MACROD2: variants seen among roughly 807,000 people sequenced by gnomAD.
MACROD2 encodes mono-ADP ribosylhydrolase 2.
MACROD2 carries 36 observed loss-of-function variants against 70.4 expected under a neutral mutation model. The observed-to-expected ratio is 0.51, with a 90% CI of 0.39 to 0.68. The LOEUF (loss-of-function observed/expected upper bound fraction) is 0.68, where lower values mean the gene tolerates loss of function less well. Among genes scored for constraint, MACROD2 ranks in the 30% least tolerant of loss-of-function variants. The pLI, the probability that MACROD2 is intolerant of heterozygous loss-of-function variation, is 0.00. For synonymous variants in MACROD2, 172 were observed against 178.8 expected, an observed-to-expected ratio of 0.96 and a Z score of 0.30; for missense variants, 496 against 538.4, an observed-to-expected ratio of 0.92 and a Z score of 0.78.
chr20:14,823,735 G>A (rs938821996), intron 5 of MACROD2, among the ~76,000 whole-genome samples: 1 of 152,050 alleles, frequency 6.6e-6, no homozygotes, highest in African/African-American at 2.4e-5. Flanking sequence ...CTGTAGTTGG[G>A]TGTAATACCA....
intron 17 of MACROD2, among the ~76,000 whole-genome samples, chr20:16,048,555 A>G (rs907260852): frequency 5.3e-5 from 8 of 152,094 alleles, no homozygotes; most frequent in African/African-American, 1.9e-4. Flanking sequence ...TCCAGGTTTA[A>G]CTTAATTTGG....
intron 6 of MACROD2, among the ~76,000 whole-genome samples, chr20:15,353,513 T>G (rs2078251467): frequency 6.6e-6 from 1 of 152,034 alleles, no homozygotes; most frequent in Non-Finnish European, 1.5e-5. Context: ...GGGATCTAAT[T>G]AAACTAAAGA....
At chr20:15,629,888 G>A (rs2049262812) in intron 8 of MACROD2, among the ~76,000 whole-genome samples, 1 of 152,204 alleles carries the variant, frequency 6.6e-6, no homozygotes, top group Non-Finnish European at 1.5e-5. Context: ...TGTCTACACA[G>A]GACTCAGAGG....
intron 6 of MACROD2, among the ~76,000 whole-genome samples, chr20:15,278,027 A>G (rs2077408653): frequency 6.6e-6 from 1 of 152,216 alleles, no homozygotes; most frequent in African/African-American, 2.4e-5. Flanking sequence ...AATTCTGGGA[A>G]TGGTAACAAA....
chr20:14,417,674 T>A (rs751487381), intron 3 of MACROD2, among the ~76,000 whole-genome samples: 1 of 152,202 alleles, frequency 6.6e-6, no homozygotes, highest in African/African-American at 2.4e-5. Flanking sequence ...GACCTTGAAG[T>A]CTGAACTTTG....
At chr20:14,933,951 A>C (rs1285333395) in intron 5 of MACROD2, 1 of 152,162 alleles carries the variant, frequency 6.6e-6, no homozygotes, top group Non-Finnish European at 1.5e-5. Context: ...ACCTATGAGA[A>C]AGGTATTATT....
intron 5 of MACROD2, among the ~76,000 whole-genome samples, chr20:15,226,011 C>T (rs116806307): frequency 0.012 from 1,866 of 152,224 alleles, 41 homozygotes; most frequent in African/African-American, 0.043. Flanking sequence ...GTTTGGGAAA[C>T]GTGAACCATG....
At chr20:14,394,842 T>C (rs1399928351) in intron 3 of MACROD2, among the ~76,000 whole-genome samples, 1 of 152,240 alleles carries the variant, frequency 6.6e-6, no homozygotes, top group African/African-American at 2.4e-5. Context: ...ATGCATCTAT[T>C]GATATGATTA....
rs538144945 is a variant in MACROD2 at position 14,183,763 on chromosome 20, T to G, written c.271+98035T>G. ...TGTGGTATAGTATCTCATTGTGGTT[T>G]TGATTTGCATTTCTCTAGTGATCAG... On this transcript the variant is annotated intron_variant, in intron 3 of 17. Coordinates refer to ENST00000684519, the MANE Select transcript of MACROD2 (RefSeq NM_001351661.2). 2.6e-5 allele frequency among the ~76,000 whole-genome samples: 4 copies of G among 152,350 alleles called. 1 individual carries two copies. The South Asian group carries it at 8.3e-4, about 32-fold the overall frequency.
intron 4 of MACROD2, among the ~76,000 whole-genome samples, chr20:14,621,550 C>G (rs1293111205): frequency 6.6e-6 from 1 of 152,064 alleles, no homozygotes; most frequent in Non-Finnish European, 1.5e-5. Context: ...TTTGAAACTT[C>G]AGGAATTTTC....
At chr20:15,406,795 T>C (rs141978073) in intron 6 of MACROD2, among the ~76,000 whole-genome samples, 1 of 152,272 alleles carries the variant, frequency 6.6e-6, no homozygotes, top group East Asian at 1.9e-4. Flanking sequence ...CAGGGAGGTG[T>C]CATTAGCTCA....
intron 6 of MACROD2, among the ~76,000 whole-genome samples, chr20:15,297,590 C>T (rs1023583341): frequency 6.6e-6 from 1 of 152,142 alleles, no homozygotes; most frequent in Non-Finnish European, 1.5e-5. Context: ...ATTCCATTCT[C>T]TCTATTCATT....
At chr20:15,279,479 C>T (rs1473835125) in intron 6 of MACROD2, among the ~76,000 whole-genome samples, 1 of 152,092 alleles carries the variant, frequency 6.6e-6, no homozygotes, top group Non-Finnish European at 1.5e-5. Flanking sequence ...ATTCATTGTC[C>T]ACACATCAAT....
intron 3 of MACROD2, among the ~76,000 whole-genome samples, chr20:14,473,376 A>T (rs1052566217): frequency 1.3e-5 from 2 of 152,044 alleles, no homozygotes; most frequent in African/African-American, 4.8e-5. Context: ...ACTTTTTTAG[A>T]TTTCACATAT....
chr20:15,580,732 T>C (rs567661852), intron 8 of MACROD2, among the ~76,000 whole-genome samples: 2 of 152,290 alleles, frequency 1.3e-5, no homozygotes, highest in Non-Finnish European at 2.9e-5. Flanking sequence ...TTGGTTAACA[T>C]TCCTGGGGAG....
intron 5 of MACROD2, among the ~76,000 whole-genome samples, chr20:15,134,026 C>T (rs1036292403): frequency 1.3e-5 from 2 of 149,470 alleles, no homozygotes; most frequent in East Asian, 2.0e-4. Flanking sequence ...CCTGCCTCAG[C>T]CTCCCGCGTA....
At chr20:15,228,511 T>A (rs34411718) in intron 5 of MACROD2, among the ~76,000 whole-genome samples, 1 of 129,920 alleles carries the variant, frequency 7.7e-6, no homozygotes, top group Admixed American at 8.2e-5. Context: ...TTTTTTGAGA[T>A]GGAGTCTCAC....
chr20:14,500,858 T>C (rs1224733413), intron 4 of MACROD2, among the ~76,000 whole-genome samples: 1 of 152,206 alleles, frequency 6.6e-6, no homozygotes, highest in East Asian at 1.9e-4. Flanking sequence ...GGCAGAAATT[T>C]CCTGAGAGTG....
chr20:14,897,385 T>C (rs2073843296), intron 5 of MACROD2, among the ~76,000 whole-genome samples: 1 of 152,156 alleles, frequency 6.6e-6, no homozygotes, highest in Non-Finnish European at 1.5e-5. Context: ...TAATATACTT[T>C]TCTGGTCAAT....
Sources: gnomAD v4.1 joint callset for allele counts (sites outside exome capture counted in the v4.1 genomes callset) on GRCh38, gnomAD v4.1.1 for gene constraint, MANE v1.5 for transcripts, NCBI Gene and HGNC (gene_info 2026-07-23, HGNC 2026-07-21) for gene names.